CDH13: variants seen among roughly 807,000 people sequenced by gnomAD.
CDH13 encodes the protein cadherin-13.
CDH13 carries 24 observed loss-of-function variants against 63.8 expected under a neutral mutation model. The ratio of observed to expected loss-of-function variants is 0.38; its 90% CI spans 0.27 to 0.53. The LOEUF is 0.53. Ranked by LOEUF, CDH13 falls within the 20% of genes least tolerant of loss-of-function variation. The probability of loss-of-function intolerance (pLI) is 0.85; values close to 1 mark genes in which losing one functional copy is unlikely to be tolerated. For missense variants in CDH13, 1,049 were observed against 903.1 expected, an observed-to-expected ratio of 1.16 and a Z score of -2.07; for synonymous variants, 503 against 355.3, an observed-to-expected ratio of 1.42 and a Z score of -4.67.
chr16:83,536,065 A>G (rs928282808), intron 7 of CDH13, among the ~76,000 whole-genome samples: 3 of 152,158 alleles, frequency 2.0e-5, no homozygotes, highest in Non-Finnish European at 4.4e-5. Context: ...ACCCAGGACA[A>G]CATTTGCATG....
chr16:83,125,634 A>C, intron 4 of CDH13, 133 bp downstream of exon 4: 1 of 549,134 alleles, frequency 1.8e-6, no homozygotes, highest in East Asian at 2.9e-5. Context: ...CAAATGGTTT[A>C]GTCATGAAAA....
chr16:83,736,723 C>T (rs1336458508), intron 10 of CDH13, among the ~76,000 whole-genome samples: 1 of 152,212 alleles, frequency 6.6e-6, no homozygotes, highest in Non-Finnish European at 1.5e-5. Context: ...GCAAAATGGA[C>T]TAGCAAGCCC....
Position 83,709,156 on chromosome 16 carries a change from G to T in CDH13, c.1538+30695G>T, listed in dbSNP as rs537467864. 3.9e-5 allele frequency among the ~76,000 whole-genome samples: 6 copies of T among 152,322 alleles called. No homozygotes were observed. The South Asian group carries it at 1.2e-3, about 32-fold the overall frequency. ...CATAAGGAAGAATCCAGAGGTCAAG[G>T]AATGCAGGCATCTCTAGATTCTGGA... is the stretch of plus-strand genomic sequence containing the variant. On this transcript the variant is annotated intron_variant, in intron 10 of 13. Coordinates refer to ENST00000567109, the MANE Select transcript of CDH13 (RefSeq NM_001257.5).
intron 3 of CDH13, among the ~76,000 whole-genome samples, chr16:83,095,909 A>C (rs1218224706): frequency 6.6e-6 from 1 of 152,238 alleles, no homozygotes; most frequent in East Asian, 1.9e-4. Context: ...AGTACAGAGA[A>C]AGGCAATATT....
chr16:82,684,604 C>T (rs565669113), intron 1 of CDH13, among the ~76,000 whole-genome samples: 1 of 151,948 alleles, frequency 6.6e-6, no homozygotes, highest in Non-Finnish European at 1.5e-5. Context: ...AGGACTGTTT[C>T]CAAAATATTT....
chr16:82,801,103 T>C (rs1199777109), intron 1 of CDH13, among the ~76,000 whole-genome samples: 3 of 152,154 alleles, frequency 2.0e-5, no homozygotes, highest in African/African-American at 7.2e-5. Flanking sequence ...CTCTAGAAAA[T>C]GTTGGGTTTG....
intron 1 of CDH13, among the ~76,000 whole-genome samples, chr16:82,734,897 T>C (rs991237352): frequency 5.9e-5 from 9 of 152,116 alleles, no homozygotes; most frequent in Admixed American, 5.2e-4. Context: ...CAGCAGCTGG[T>C]GCCATGGGTC....
chr16:83,626,913 G>A (rs1176324049), intron 8 of CDH13, among the ~76,000 whole-genome samples: 1 of 152,066 alleles, frequency 6.6e-6, no homozygotes, highest in Admixed American at 6.5e-5. Flanking sequence ...CTGCCTTGGT[G>A]TTCTGACAAC....
intron 4 of CDH13, among the ~76,000 whole-genome samples, chr16:83,134,590 A>T (rs567197228): frequency 3.0e-4 from 15 of 49,422 alleles, no homozygotes; most frequent in African/African-American, 1.0e-3. Flanking sequence ...AGAGAGAGAG[A>T]GAGTGAGTTA....
chr16:82,704,106 G>T (rs1406425892), intron 1 of CDH13, among the ~76,000 whole-genome samples: 1 of 152,050 alleles, frequency 6.6e-6, no homozygotes, highest in Non-Finnish European at 1.5e-5. Context: ...GGCGTGGCTT[G>T]AATGTTTCTA....
chr16:83,441,697 T>A (rs1598028145), intron 6 of CDH13, among the ~76,000 whole-genome samples: 1 of 152,122 alleles, frequency 6.6e-6, no homozygotes, highest in Non-Finnish European at 1.5e-5. Context: ...TCTGTGACAG[T>A]GAAATGACTT....
chr16:83,103,113 C>A (rs527962130), intron 3 of CDH13, among the ~76,000 whole-genome samples: 1 of 151,458 alleles, frequency 6.6e-6, no homozygotes, highest in African/African-American at 2.4e-5. Context: ...CCACCACGCC[C>A]AGCTAATTTT....
chr16:83,532,995 A>G (rs1298581923), intron 7 of CDH13, among the ~76,000 whole-genome samples: 1 of 152,220 alleles, frequency 6.6e-6, no homozygotes, highest in Non-Finnish European at 1.5e-5. Flanking sequence ...AGCTCTCTGT[A>G]GGAGAAGCTA....
intron 1 of CDH13, among the ~76,000 whole-genome samples, chr16:82,646,569 G>T (rs763248235): frequency 6.6e-6 from 1 of 152,186 alleles, no homozygotes; most frequent in Non-Finnish European, 1.5e-5. Context: ...AGTGATGGGA[G>T]GAGAGGTCAC....
chr16:82,632,645 C>T (rs948962085), intron 1 of CDH13, among the ~76,000 whole-genome samples: 2 of 152,194 alleles, frequency 1.3e-5, no homozygotes, highest in African/African-American at 4.8e-5. Flanking sequence ...TGTCAGCAGT[C>T]CTCAACCATT....
intron 4 of CDH13, among the ~76,000 whole-genome samples, chr16:83,216,397 A>G (rs1360604221): frequency 1.2e-4 from 2 of 16,092 alleles, no homozygotes; most frequent in Non-Finnish European, 3.3e-4. Flanking sequence ...CCAGCATTGA[A>G]ATATATATAT....
At chr16:82,983,298 G>C (rs1307109264) in intron 2 of CDH13, among the ~76,000 whole-genome samples, 2 of 152,046 alleles carry the variant, frequency 1.3e-5, no homozygotes, top group African/African-American at 4.8e-5. Context: ...CAGTTTGATA[G>C]CTCTCCCCGC....
intron 10 of CDH13, among the ~76,000 whole-genome samples, chr16:83,714,784 C>T (rs924807443): frequency 6.6e-6 from 1 of 152,046 alleles, no homozygotes; most frequent in African/African-American, 2.4e-5. Flanking sequence ...ATGGGAAATG[C>T]CTTCTTAATC....
chr16:82,732,606 A>G (rs2033462506), intron 1 of CDH13, among the ~76,000 whole-genome samples: 1 of 152,244 alleles, frequency 6.6e-6, no homozygotes, highest in South Asian at 2.1e-4. Flanking sequence ...TTGCTCAAGA[A>G]ATGAGTGGCC....
Sources: allele counts gnomAD v4.1 joint callset (sites outside exome capture counted in the v4.1 genomes callset), GRCh38; gene constraint gnomAD v4.1.1; transcripts MANE v1.5; gene names NCBI Gene and HGNC (gene_info 2026-07-23, HGNC 2026-07-21).